The following RFFL variants were observed in gnomAD, a reference collection of about 807,000 sequenced individuals.
RFFL encodes the protein E3 ubiquitin-protein ligase rififylin.
Under a neutral mutation model 40.4 loss-of-function variants are expected in RFFL, and 16 were observed. The observed-to-expected ratio is 0.40, with a 90% CI of 0.27 to 0.60. The LOEUF (loss-of-function observed/expected upper bound fraction) is 0.60. Ranked by LOEUF, RFFL falls within the 20% of genes least tolerant of loss-of-function variation. The pLI is 0.47. For synonymous variants in RFFL, 154 were observed against 167.9 expected, an observed-to-expected ratio of 0.92 and a Z score of 0.64; for missense variants, 367 against 451.7, an observed-to-expected ratio of 0.81 and a Z score of 1.70.
intron 1 of RFFL, among the ~76,000 whole-genome samples, chr17:35,032,438 G>C (rs150814733): frequency 6.6e-6 from 1 of 152,082 alleles, no homozygotes; most frequent in South Asian, 2.1e-4. Context: ...ACTAGCAGAC[G>C]AGAGAAGGGG....
chr17:35,009,013 C>T lies in RFFL; in HGVS notation c.*2955G>A, dbSNP rs2090916945. 1 of 152,488 alleles carries T rather than the reference C, an allele frequency of 6.6e-6. No homozygotes were observed. Among genetic ancestry groups the T allele is most frequent in the Admixed American group, 6.5e-5 (1 of 15,280 alleles). 9.4% of individuals were successfully genotyped at this position (152,488 alleles called of 1,614,324 possible). On this transcript the variant is annotated 3_prime_UTR_variant, in exon 7 of 7. Coordinates refer to ENST00000394597, the MANE Select transcript of RFFL (RefSeq NM_001017368.2). ...AACTCCTGAGCTCAAGCAGTCTTCC[C>T]ACCTTGGCCTCCTAAAGTGTGGAAA...
intron 1 of RFFL, among the ~76,000 whole-genome samples, chr17:35,084,672 A>G (rs1488353698): frequency 1.3e-5 from 2 of 151,044 alleles, no homozygotes; most frequent in Non-Finnish European, 3.0e-5. Flanking sequence ...GGCAGATCAC[A>G]TGAGGTCAGG....
intron 5 of RFFL, 110 bp from the exon 6 acceptor site, chr17:35,014,873 C>T (rs1457937811): frequency 3.6e-6 from 4 of 1,098,576 alleles, no homozygotes; most frequent in Non-Finnish European, 5.6e-6. Flanking sequence ...TGCTGGGAAC[C>T]AGGCTTGCCA....
At chr17:35,021,023 A>C (rs1185427539) in intron 3 of RFFL, among the ~76,000 whole-genome samples, 1 of 152,208 alleles carries the variant, frequency 6.6e-6, no homozygotes, top group Non-Finnish European at 1.5e-5. Context: ...GCAACAAAGG[A>C]GTTAAGTTGA....
At chr17:35,062,934 T>C (rs1032815390) in intron 1 of RFFL, among the ~76,000 whole-genome samples, 3 of 152,170 alleles carry the variant, frequency 2.0e-5, no homozygotes, top group Admixed American at 6.5e-5. Flanking sequence ...TAAGACAGTG[T>C]TCTCCACAAC....
chr17:35,043,162 GA>G (rs1472704388), intron 1 of RFFL, among the ~76,000 whole-genome samples: 1 of 152,046 alleles, frequency 6.6e-6, no homozygotes, highest in Non-Finnish European at 1.5e-5. Context: ...AAGGTGGGGG[GA>G]AAAAAAGCTG....
chr17:35,059,541 C>A (rs1349339469), intron 1 of RFFL, among the ~76,000 whole-genome samples: 1 of 152,134 alleles, frequency 6.6e-6, no homozygotes, highest in Non-Finnish European at 1.5e-5. Context: ...GTTATGCCAC[C>A]AAAAGTCTTC....
intron 1 of RFFL, among the ~76,000 whole-genome samples, chr17:35,074,799 C>G (rs1285712517): frequency 6.6e-6 from 1 of 152,172 alleles, no homozygotes; most frequent in Non-Finnish European, 1.5e-5. Flanking sequence ...TTTGATCAGT[C>G]TTACACAAAT....
At chr17:35,032,040 A>G (rs2091087319) in intron 1 of RFFL, among the ~76,000 whole-genome samples, 2 of 150,662 alleles carry the variant, frequency 1.3e-5, no homozygotes, top group South Asian at 2.1e-4. Context: ...GCTTGCAGAG[A>G]GCCGAGATCG....
At position 35,007,113 on chromosome 17, in the gene RFFL, G is replaced by A. The variant is rs2090900931; in HGVS notation, c.*4855C>T. ...ACAACCGGACAGGGCAGCAGAACAAGGCTGTCTCCTCAGGATCCTGCCAAA... is the reference window on the plus strand; with the variant it reads ...ACAACCGGACAGGGCAGCAGAACAAAGCTGTCTCCTCAGGATCCTGCCAAA... On this transcript the variant is annotated 3_prime_UTR_variant, in exon 7 of 7. Coordinates refer to ENST00000394597, the MANE Select transcript of RFFL (RefSeq NM_001017368.2). 1 of 152,390 alleles carries A rather than the reference G, an allele frequency of 6.6e-6. No homozygotes were observed. Among genetic ancestry groups the A allele is most frequent in the Admixed American group, 6.5e-5 (1 of 15,302 alleles). 9.4% of individuals were successfully genotyped at this position (152,390 alleles called of 1,614,324 possible).
chr17:35,065,665 T>G (rs569348050), upstream of RFFL, among the ~76,000 whole-genome samples: 24 of 151,620 alleles, frequency 1.6e-4, no homozygotes, highest in Non-Finnish European at 3.1e-4. Context: ...ATGGAACTCC[T>G]AAGTTGACTA....
rs373002986 is a variant in RFFL at position 35,075,424 on chromosome 17, T to C, written c.-9+13681A>G. Among the ~76,000 whole-genome samples the C allele has an allele frequency of 9.8e-5, 15 of 152,320 alleles. No homozygotes were observed. The East Asian group carries it at 1.2e-3, about 12-fold the overall frequency. On this transcript the variant is annotated intron_variant, in intron 1 of 6. Coordinates refer to the RFFL transcript ENST00000315249. The stretch of plus-strand genomic sequence containing the variant: ...ATCAGAAACAAATTGTTTCCAAAAG[T>C]GTTAAGCAGTGCTTGTCCAAAGGCC...
chr17:35,085,579 A>G (rs2091425365), intron 1 of RFFL, among the ~76,000 whole-genome samples: 1 of 152,038 alleles, frequency 6.6e-6, no homozygotes, highest in African/African-American at 2.4e-5. Flanking sequence ...ACAGGCATGC[A>G]CCACCATGCC....
intron 1 of RFFL, among the ~76,000 whole-genome samples, chr17:35,072,116 A>T (rs1163436675): frequency 6.6e-6 from 1 of 151,738 alleles, no homozygotes; most frequent in Non-Finnish European, 1.5e-5. Flanking sequence ...CCCTGTCTAT[A>T]AAAAAAATAC....
In RFFL at chr17:35,021,468, G is replaced by A; in HGVS notation, c.494C>T (p.Pro165Leu). Residue 165 changes from proline (P) to leucine (L), a missense_variant, in exon 3 of 7, where the codon CCT (proline) becomes CTT (leucine). Physicochemically the swap from Pro to Leu is moderately conservative, Grantham distance 98. Transcript: ENST00000394597. ...GGTAGGTGGAACCATGCTGGAGTGA[G>A]GCTGGGTCAGGAAGGCCTGCTGCTC... Reference protein sequence around the residue: ...FPEQQAFLTQPHSSMVPPTSP... With the variant: ...FPEQQAFLTQLHSSMVPPTSP... 6.3e-7 allele frequency: 1 copy of A among 1,574,990 alleles called. No individual in the cohort carries two copies. The highest frequency in any genetic ancestry group is 8.6e-7 in the Non-Finnish European group (1 of 1,161,706).
chr17:35,041,144 A>T (rs543927586), intron 1 of RFFL, among the ~76,000 whole-genome samples: 55 of 152,202 alleles, frequency 3.6e-4, no homozygotes, highest in Admixed American at 7.9e-4. Flanking sequence ...AAACCCCATG[A>T]GGGCAGGGAC....
chr17:35,017,996 C>T (rs1304202401), intron 3 of RFFL, among the ~76,000 whole-genome samples: 2 of 152,158 alleles, frequency 1.3e-5, no homozygotes, highest in African/African-American at 2.4e-5. Context: ...TCCAAAATTG[C>T]CATCCCTATC....
chr17:35,021,918 T>G, intron 2 of RFFL, 137 bp from the exon 3 acceptor site: 1 of 826,710 alleles, frequency 1.2e-6, no homozygotes, highest in Non-Finnish European at 1.9e-6. Context: ...CTCTCATATA[T>G]CTAAGGGTGC....
chr17:35,026,199 T>C (rs1180859265), intron 2 of RFFL, among the ~76,000 whole-genome samples, 175 bp downstream of exon 2: 1 of 152,236 alleles, frequency 6.6e-6, no homozygotes, highest in Non-Finnish European at 1.5e-5. Flanking sequence ...CTGACATGCT[T>C]TGCTTTTGCT....
Sources: gnomAD v4.1 joint callset for allele counts (sites outside exome capture counted in the v4.1 genomes callset) on GRCh38, gnomAD v4.1.1 for gene constraint, MANE v1.5 for transcripts, NCBI Gene and HGNC (gene_info 2026-07-23, HGNC 2026-07-21) for gene names.